Variants in HS6ST2 observed in about 807,000 individuals in gnomAD.
HS6ST2 encodes the protein heparan sulfate 6-O-sulfotransferase 2.
Under a neutral mutation model 33.0 loss-of-function variants are expected in HS6ST2, and 17 were observed. The observed-to-expected ratio is 0.52, with a 90% CI of 0.35 to 0.77. HS6ST2 has a LOEUF of 0.77. Ranked by LOEUF, HS6ST2 falls within the 30% of genes least tolerant of loss-of-function variation. The probability of loss-of-function intolerance (pLI) is 0.01; values close to 1 mark genes in which losing one functional copy is unlikely to be tolerated. For synonymous variants in HS6ST2, 248 were observed against 237.1 expected (o/e 1.05, Z -0.42); for missense variants, 519 against 551.7 (o/e 0.94, Z 0.59).
At chrX:132,884,435 G>A (rs1210835428) in intron 2 of HS6ST2, among the ~76,000 whole-genome samples, 2 of 111,540 alleles carry the variant, frequency 1.8e-5, no homozygotes, top group East Asian at 5.6e-4. Flanking sequence ...CTGCTCTGGG[G>A]ATGCAAGAAT....
At chrX:132,935,828 T>C (rs1259919875) in intron 2 of HS6ST2, among the ~76,000 whole-genome samples, 1 of 110,092 alleles carries the variant, frequency 9.1e-6, no homozygotes, top group Non-Finnish European at 1.9e-5. Flanking sequence ...ACAAAACATA[T>C]CAAAGCTTAT....
At chrX:132,748,576 A>C (rs924394584) in intron 2 of HS6ST2, among the ~76,000 whole-genome samples, 13 of 111,192 alleles carry the variant, frequency 1.2e-4, no homozygotes, top group African/African-American at 4.3e-4. Context: ...TAACGCTTGG[A>C]TCATACTTGG....
At chrX:132,792,722 T>A (rs1220688075) in intron 2 of HS6ST2, among the ~76,000 whole-genome samples, 1 of 111,887 alleles carries the variant, frequency 8.9e-6, no homozygotes, top group East Asian at 2.8e-4. Flanking sequence ...ATTTGCTTAT[T>A]CTAATATTTC....
intron 3 of HS6ST2, among the ~76,000 whole-genome samples, chrX:132,687,755 TG>T (rs200564309): frequency 0.013 from 1,462 of 109,671 alleles, 28 homozygotes; most frequent in African/African-American, 0.047. Flanking sequence ...AGTCAACATT[TG>T]TTTTTTTTTT....
At chrX:132,637,826 T>C (rs1160269327) in intron 4 of HS6ST2, among the ~76,000 whole-genome samples, 6 of 53,889 alleles carry the variant, frequency 1.1e-4, no homozygotes, top group African/African-American at 6.2e-4. Context: ...ATATATATAA[T>C]ATTATATATA....
At chrX:132,638,382 A>G (rs1017503487) in intron 4 of HS6ST2, among the ~76,000 whole-genome samples, 10 of 111,213 alleles carry the variant, frequency 9.0e-5, no homozygotes, top group African/African-American at 2.0e-4. Context: ...AGTTTAATAA[A>G]TGCTGTTATC....
chrX:132,629,210 CAG>C, intron 4 of HS6ST2, 117 bp from the exon 5 acceptor site: 2 of 801,065 alleles, frequency 2.5e-6, no homozygotes, highest in Non-Finnish European at 3.5e-6. Context: ...GCAAAAATGA[CAG>C]GGATCTGATG....
chrX:132,891,383 T>TA (rs1280645314), intron 2 of HS6ST2, among the ~76,000 whole-genome samples: 5 of 109,332 alleles, frequency 4.6e-5, no homozygotes, highest in African/African-American at 1.3e-4. Flanking sequence ...TTTTTTTATT[T>TA]TTTTTTTTAT....
intron 2 of HS6ST2, among the ~76,000 whole-genome samples, chrX:132,922,341 T>C (rs184928184): frequency 1.4e-3 from 158 of 112,077 alleles, no homozygotes; most frequent in Non-Finnish European, 2.3e-3. Context: ...GTGGATAGTA[T>C]CACCTTGGCT....
chrX:132,760,346 C>A (rs1462978595), intron 2 of HS6ST2, among the ~76,000 whole-genome samples: 3 of 110,651 alleles, frequency 2.7e-5, no homozygotes, highest in African/African-American at 9.9e-5. Flanking sequence ...GAGGCGGTTA[C>A]CCCCATGCTG....
intron 2 of HS6ST2, among the ~76,000 whole-genome samples, chrX:132,744,139 T>C (rs978986290): frequency 8.9e-6 from 1 of 112,037 alleles, no homozygotes; most frequent in African/African-American, 3.2e-5. Context: ...ATTAGATGCT[T>C]CCTATGTATA....
chrX:132,880,474 T>A (rs1347728954), intron 2 of HS6ST2, among the ~76,000 whole-genome samples: 2 of 105,401 alleles, frequency 1.9e-5, no homozygotes, highest in African/African-American at 7.0e-5. Context: ...AGGCAGAAGT[T>A]GCAGCGAGCC....
chrX:132,754,081 T>C (rs1238930834), intron 2 of HS6ST2, among the ~76,000 whole-genome samples: 3 of 111,807 alleles, frequency 2.7e-5, no homozygotes, highest in Admixed American at 9.5e-5. Flanking sequence ...TTACATCTAG[T>C]TGTCACATAT....
chrX:132,823,955 G>A (rs1233887092), intron 2 of HS6ST2, among the ~76,000 whole-genome samples: 1 of 109,648 alleles, frequency 9.1e-6, no homozygotes, highest in Non-Finnish European at 1.9e-5. Context: ...TAATGGCTGA[G>A]TAGTATTCCG....
At chrX:132,882,908 G>T (rs1263339044) in intron 2 of HS6ST2, among the ~76,000 whole-genome samples, 2 of 111,567 alleles carry the variant, frequency 1.8e-5, no homozygotes, top group Non-Finnish European at 3.8e-5. Context: ...CTTTGGGACT[G>T]TTTATATGCT....
At chrX:132,832,109 A>G (rs1026305921) in intron 2 of HS6ST2, among the ~76,000 whole-genome samples, 1 of 111,566 alleles carries the variant, frequency 9.0e-6, no homozygotes, top group African/African-American at 3.3e-5. Flanking sequence ...AATAGATTGT[A>G]TGACGTTCAC....
At chrX:132,865,101 A>G (rs892236157) in intron 2 of HS6ST2, among the ~76,000 whole-genome samples, 2 of 105,261 alleles carry the variant, frequency 1.9e-5, no homozygotes, top group Non-Finnish European at 3.9e-5. Flanking sequence ...AGCATGAGGT[A>G]TATCTCCCAA....
chrX:132,928,566 T>A (rs1412674558), intron 2 of HS6ST2, among the ~76,000 whole-genome samples: 2 of 110,988 alleles, frequency 1.8e-5, no homozygotes, highest in Non-Finnish European at 3.8e-5. Context: ...CATTTCAACA[T>A]GAGATTTGGG....
chrX:132,685,107 AC>A (rs2064006556), intron 3 of HS6ST2, among the ~76,000 whole-genome samples: 1 of 111,919 alleles, frequency 8.9e-6, no homozygotes, highest in Non-Finnish European at 1.9e-5. Flanking sequence ...GAGGACACAC[AC>A]AAAAAGGTAC....
Sources: gnomAD v4.1 joint callset for allele counts (sites outside exome capture counted in the v4.1 genomes callset) on GRCh38, gnomAD v4.1.1 for gene constraint, MANE v1.5 for transcripts, NCBI Gene and HGNC (gene_info 2026-07-23, HGNC 2026-07-21) for gene names.